Variants in SGPP2 observed in about 807,000 individuals in gnomAD.
The protein encoded by SGPP2 is sphingosine-1-phosphate phosphatase 2.
SGPP2 carries 30 observed loss-of-function variants against 33.9 expected under a neutral mutation model. That is an observed-to-expected ratio of 0.89 (90% CI 0.66 to 1.20). The LOEUF is 1.20. Ranked by LOEUF, SGPP2 falls within the 50% of genes most tolerant of loss-of-function variation. The probability of loss-of-function intolerance (pLI) is 0.00; values close to 1 mark genes in which losing one functional copy is unlikely to be tolerated. For missense variants in SGPP2, 458 were observed against 532.1 expected (o/e 0.86, Z 1.37); for synonymous variants, 233 against 225.0 (o/e 1.04, Z -0.32).
chr2:222,527,548 C>T (rs1301780234), intron 4 of SGPP2, among the ~76,000 whole-genome samples: 3 of 152,202 alleles, frequency 2.0e-5, no homozygotes, highest in Non-Finnish European at 2.9e-5. Context: ...TTATAAAAGA[C>T]ATTCCCTAGA....
rs1357610988 is a variant in SGPP2 at position 222,476,384 on chromosome 2, C to T, written c.378+1658C>T. On this transcript the variant is annotated intron_variant, in intron 2 of 4. Transcript: ENST00000321276. The surrounding 1 kb of genome is among the most constrained non-coding windows in gnomAD (Gnocchi z 4.3). ...CAGAGGGACTAGGGAGCAACTGCCC[C>T]TGGCTCCACCTGGGACTTCAAATCC... 1.3e-5 allele frequency among the ~76,000 whole-genome samples: 2 copies of T among 152,268 alleles called. No homozygotes were observed. Among genetic ancestry groups the T allele is most frequent in the East Asian group, 3.9e-4 (2 of 5,184 alleles).
At chr2:222,496,765 T>A (rs1302782863) in intron 2 of SGPP2, among the ~76,000 whole-genome samples, 1 of 152,178 alleles carries the variant, frequency 6.6e-6, no homozygotes, top group African/African-American at 2.4e-5. Context: ...GCTCTCACCA[T>A]TCCTGCTAAG....
chr2:222,536,692 AAAAAT>A (rs985692491), intron 4 of SGPP2, among the ~76,000 whole-genome samples: 13 of 152,322 alleles, frequency 8.5e-5, no homozygotes, highest in South Asian at 4.1e-4. Context: ...AAAAAAATAA[AAAAAT>A]AAAATAAAAT....
chr2:222,536,274 C>T (rs921920691), intron 4 of SGPP2, among the ~76,000 whole-genome samples: 7 of 152,158 alleles, frequency 4.6e-5, no homozygotes, highest in African/African-American at 7.2e-5. Context: ...TTCTGTAAAA[C>T]GAATCTGACC....
chr2:222,461,075 C>T (rs571563920), intron 1 of SGPP2, among the ~76,000 whole-genome samples: 68 of 152,178 alleles, frequency 4.5e-4, no homozygotes, highest in Middle Eastern at 3.4e-3. Context: ...ATCTTTTTAC[C>T]GTCTTTCTCT....
intron 2 of SGPP2, among the ~76,000 whole-genome samples, chr2:222,503,719 G>A (rs1698400787): frequency 6.6e-6 from 1 of 152,156 alleles, no homozygotes; most frequent in Admixed American, 6.5e-5. Flanking sequence ...AGACTCTCAG[G>A]TCCTTCCTTC....
At chr2:222,552,567 G>A (rs1391177998) in intron 4 of SGPP2, among the ~76,000 whole-genome samples, 1 of 152,058 alleles carries the variant, frequency 6.6e-6, no homozygotes, top group Non-Finnish European at 1.5e-5. Context: ...ATCATCACTA[G>A]AGAATTACTC....
At chr2:222,443,135 T>A (rs1306414144) in intron 1 of SGPP2, among the ~76,000 whole-genome samples, 1 of 152,222 alleles carries the variant, frequency 6.6e-6, no homozygotes, top group Non-Finnish European at 1.5e-5. Context: ...TCTGGTGAAG[T>A]AGAAGTGCTG....
At chr2:222,540,322 G>A (rs1282170089) in intron 4 of SGPP2, among the ~76,000 whole-genome samples, 3 of 152,152 alleles carry the variant, frequency 2.0e-5, no homozygotes, top group African/African-American at 7.2e-5. Context: ...ATGAGGTCAG[G>A]TGTAGAATTT....
At chr2:222,455,894 C>T (rs1404441264) in intron 1 of SGPP2, among the ~76,000 whole-genome samples, 1 of 151,934 alleles carries the variant, frequency 6.6e-6, no homozygotes, top group Non-Finnish European at 1.5e-5. Context: ...AGAGTGAGAC[C>T]CTGTTTCTAC....
At chr2:222,437,075 T>A (rs940438482) in intron 1 of SGPP2, among the ~76,000 whole-genome samples, 1 of 152,158 alleles carries the variant, frequency 6.6e-6, no homozygotes, top group Non-Finnish European at 1.5e-5. Flanking sequence ...GCCACTTGAT[T>A]AATAAAATCC....
chr2:222,446,758 A>G (rs570259708), intron 1 of SGPP2, among the ~76,000 whole-genome samples: 198 of 152,370 alleles, frequency 1.3e-3, no homozygotes, highest in African/African-American at 4.5e-3. Context: ...TTTTGAACAG[A>G]TTGACAGGAA....
At chr2:222,544,599 T>C (rs1416161785) in intron 4 of SGPP2, among the ~76,000 whole-genome samples, 1 of 152,240 alleles carries the variant, frequency 6.6e-6, no homozygotes, top group Non-Finnish European at 1.5e-5. Context: ...ATAGTTGTTA[T>C]GCTTTATCAT....
intron 2 of SGPP2, among the ~76,000 whole-genome samples, chr2:222,492,921 A>T (rs1225519568): frequency 1.3e-5 from 2 of 152,170 alleles, no homozygotes; most frequent in African/African-American, 4.8e-5. Flanking sequence ...GATGTTCCTC[A>T]TCTCCATAAG....
intron 1 of SGPP2, among the ~76,000 whole-genome samples, chr2:222,427,800 C>T (rs539163473): frequency 3.9e-5 from 6 of 152,262 alleles, no homozygotes; most frequent in African/African-American, 1.2e-4. Flanking sequence ...ACAAGTGTTT[C>T]CTGTTTTCAA....
chr2:222,513,534 G>A lies in SGPP2; in HGVS notation c.379-8233G>A, dbSNP rs1247450842. 4.6e-5 allele frequency among the ~76,000 whole-genome samples: 7 copies of A among 152,212 alleles called. No homozygotes were observed. The South Asian group carries it at 6.2e-4, about 14-fold the overall frequency. ...CCTCCAAAAAGATATCCCCACATTCGAATCCCTAGAATCTGTGAACATTGC... is the reference window on the plus strand; with the variant it reads ...CCTCCAAAAAGATATCCCCACATTCAAATCCCTAGAATCTGTGAACATTGC... On this transcript the variant is annotated intron_variant, in intron 2 of 4. Coordinates refer to ENST00000321276, the MANE Select transcript of SGPP2 (RefSeq NM_152386.4).
chr2:222,543,675 C>T (rs1341336351), intron 4 of SGPP2, among the ~76,000 whole-genome samples: 1 of 152,054 alleles, frequency 6.6e-6, no homozygotes, highest in Non-Finnish European at 1.5e-5. Context: ...AAGACAAAAT[C>T]ATGGACTGTA....
chr2:222,532,151 G>A (rs1698848144), intron 4 of SGPP2, among the ~76,000 whole-genome samples: 1 of 152,184 alleles, frequency 6.6e-6, no homozygotes, highest in South Asian at 2.1e-4. Flanking sequence ...GCACATGCCT[G>A]TAATCCCAGC....
chr2:222,562,314 G>T lies in SGPP2; in HGVS notation c.*3416G>T, dbSNP rs2106164142. Among the ~76,000 whole-genome samples, 1 of 152,234 alleles carries T rather than the reference G, an allele frequency of 6.6e-6. No individual in the cohort carries two copies. Among genetic ancestry groups the T allele is most frequent in the Middle Eastern group, 3.4e-3 (1 of 294 alleles). On this transcript the variant is annotated 3_prime_UTR_variant, in exon 5 of 5. Transcript: ENST00000321276. ...TTTCATGCCAGTTTTGCTCAAACCT[G>T]CACCGTCACAAGATATTCAGAAGAT...
Sources: allele counts gnomAD v4.1 joint callset (sites outside exome capture counted in the v4.1 genomes callset), GRCh38; gene constraint gnomAD v4.1.1; non-coding constraint Gnocchi (gnomAD v3.1); transcripts MANE v1.5; gene names NCBI Gene and HGNC (gene_info 2026-07-23, HGNC 2026-07-21).